STMN2: variants seen among roughly 807,000 people sequenced by gnomAD.
The protein encoded by STMN2 is stathmin 2.
Under a neutral mutation model 24.1 loss-of-function variants are expected in STMN2, and 2 were observed. That is an observed-to-expected ratio of 0.08 (90% CI 0.03 to 0.26). The LOEUF is 0.26. Ranked by LOEUF, STMN2 falls within the 10% of genes least tolerant of loss-of-function variation. The pLI is 1.00. For missense variants in STMN2, 114 were observed against 213.6 expected, an observed-to-expected ratio of 0.53 and a Z score of 2.91; for synonymous variants, 83 against 77.5, an observed-to-expected ratio of 1.07 and a Z score of -0.37.
intron 3 of STMN2, among the ~76,000 whole-genome samples, chr8:79,643,509 T>C (rs1037616830): frequency 6.6e-6 from 1 of 151,994 alleles, no homozygotes; most frequent in Admixed American, 6.6e-5. Flanking sequence ...GATTAGAATA[T>C]GGAGTCAGTG....
intron 1 of STMN2, among the ~76,000 whole-genome samples, chr8:79,633,573 AG>A (rs1340212433): frequency 6.6e-6 from 1 of 152,220 alleles, no homozygotes; most frequent in Admixed American, 6.5e-5. Flanking sequence ...GATTCTAGTT[AG>A]GGCCTACTTT....
intron 3 of STMN2, among the ~76,000 whole-genome samples, chr8:79,650,199 T>C (rs1274922527): frequency 1.3e-5 from 2 of 152,214 alleles, no homozygotes; most frequent in African/African-American, 2.4e-5. Context: ...AGGTACAGGT[T>C]ATTTAGAAGT....
At chr8:79,663,823 T>C in intron 4 of STMN2, 1 of 209,002 alleles carries the variant, frequency 4.8e-6, no homozygotes, top group Non-Finnish European at 8.3e-6. Flanking sequence ...ATTTTAGTCA[T>C]CTGATGTATA....
intron 4 of STMN2, among the ~76,000 whole-genome samples, chr8:79,664,336 G>A (rs998593685): frequency 5.3e-5 from 8 of 152,274 alleles, no homozygotes; most frequent in South Asian, 2.1e-4. Flanking sequence ...GACTGGAAAC[G>A]TCACTTGGAC....
intron 1 of STMN2, among the ~76,000 whole-genome samples, chr8:79,632,935 A>G (rs913000788): frequency 1.3e-5 from 2 of 152,228 alleles, no homozygotes; most frequent in African/African-American, 2.4e-5. Context: ...AGTTAATCCC[A>G]TCTTTCAAAG....
chr8:79,641,628 G>GCACA (rs61386841), intron 3 of STMN2, 78 bp downstream of exon 3: 59,807 of 422,770 alleles, frequency 0.14, 4,461 homozygotes, highest in Admixed American at 0.2. Context: ...ACACATGCAC[G>GCACA]CACACACACA....
At chr8:79,625,654 G>T (rs1282678817) in intron 1 of STMN2, among the ~76,000 whole-genome samples, 2 of 152,138 alleles carry the variant, frequency 1.3e-5, no homozygotes, top group African/African-American at 2.4e-5. Flanking sequence ...ACTTCAAAAG[G>T]TCACCCAAAG....
At chr8:79,663,175 T>G (rs564312852) in intron 4 of STMN2, among the ~76,000 whole-genome samples, 11 of 151,916 alleles carry the variant, frequency 7.2e-5, no homozygotes, top group Non-Finnish European at 1.5e-4. Context: ...GGGTGGTCTA[T>G]GCCTTTTTTC....
intron 1 of STMN2, among the ~76,000 whole-genome samples, chr8:79,615,608 A>G (rs1020968170): frequency 6.6e-6 from 1 of 152,166 alleles, no homozygotes; most frequent in Non-Finnish European, 1.5e-5. Flanking sequence ...TTTTCACCAC[A>G]CTAGAGGGCA....
At chr8:79,661,996 T>C (rs1806512247) in intron 4 of STMN2, among the ~76,000 whole-genome samples, 1 of 152,118 alleles carries the variant, frequency 6.6e-6, no homozygotes, top group Non-Finnish European at 1.5e-5. Context: ...ATTGACATCC[T>C]AGGTCATATA....
At chr8:79,629,311 A>G (rs1357769521) in intron 1 of STMN2, among the ~76,000 whole-genome samples, 4 of 152,154 alleles carry the variant, frequency 2.6e-5, no homozygotes, top group Non-Finnish European at 5.9e-5. Context: ...TATTTATTCT[A>G]TTCTCTTTGA....
chr8:79,645,579 T>G (rs980961874), intron 3 of STMN2, among the ~76,000 whole-genome samples: 2 of 152,246 alleles, frequency 1.3e-5, no homozygotes, highest in Non-Finnish European at 2.9e-5. Context: ...ATATATATTC[T>G]TTAAAAATTA....
intron 1 of STMN2, chr8:79,620,939 A>G: frequency 1.0e-6 from 1 of 985,214 alleles, no homozygotes; most frequent in South Asian, 4.7e-5. Context: ...TCAGAACCAC[A>G]CTTGGAGTAG....
chr8:79,624,480 A>G (rs1373813042), intron 1 of STMN2, among the ~76,000 whole-genome samples: 1 of 123,550 alleles, frequency 8.1e-6, no homozygotes. Context: ...AAAAAAAAAG[A>G]AAGAAAGAAA....
intron 1 of STMN2, among the ~76,000 whole-genome samples, chr8:79,620,107 A>T (rs11989527): frequency 0.13 from 20,115 of 149,950 alleles, 1,877 homozygotes; most frequent in African/African-American, 0.26. Flanking sequence ...TTTAAGCTCA[A>T]ATAATTTATT....
intron 2 of STMN2, among the ~76,000 whole-genome samples, chr8:79,638,697 CT>C (rs1810024457): frequency 6.6e-6 from 1 of 152,144 alleles, no homozygotes; most frequent in African/African-American, 2.4e-5. Context: ...GGAAGGTACT[CT>C]TTTTATTTCC....
intron 2 of STMN2, 140 bp from the exon 3 acceptor site, chr8:79,641,238 G>T: frequency 1.3e-6 from 1 of 798,282 alleles, no homozygotes; most frequent in Non-Finnish European, 1.9e-6. Flanking sequence ...AAACAACATA[G>T]AGCAAATGCT....
chr8:79,613,688 G>A (rs1283474411), intron 1 of STMN2: 1 of 985,328 alleles, frequency 1.0e-6, no homozygotes, highest in Non-Finnish European at 1.2e-6. Context: ...ATTGCTCTTG[G>A]TTAAGGATTA....
chr8:79,646,179 C>A (rs548866633), intron 3 of STMN2, among the ~76,000 whole-genome samples: 85 of 152,176 alleles, frequency 5.6e-4, no homozygotes, highest in African/African-American at 1.8e-3. Context: ...TTCCAAATGA[C>A]ATCTGAAATT....
Sources: allele counts gnomAD v4.1 joint callset (sites outside exome capture counted in the v4.1 genomes callset), GRCh38; gene constraint gnomAD v4.1.1; transcripts MANE v1.5; gene names NCBI Gene and HGNC (gene_info 2026-07-23, HGNC 2026-07-21).